The following FBXO21 variants were observed in gnomAD, a reference collection of about 807,000 sequenced individuals.
The protein encoded by FBXO21 is F-box protein 21, also known as F-box only protein 21.
Under a neutral mutation model 76.6 loss-of-function variants are expected in FBXO21, and 32 were observed. The ratio of observed to expected loss-of-function variants is 0.42; its 90% CI spans 0.32 to 0.56. The LOEUF is 0.56. FBXO21 is among the 20% of genes least tolerant of loss of function. The pLI is 0.16. For missense variants in FBXO21, 586 were observed against 797.3 expected (o/e 0.73, Z 3.19); for synonymous variants, 328 against 311.5 (o/e 1.05, Z -0.56).
intron 11 of FBXO21, among the ~76,000 whole-genome samples, chr12:117,151,565 T>A (rs1224663670): frequency 6.6e-6 from 1 of 152,206 alleles, no homozygotes; most frequent in African/African-American, 2.4e-5. Flanking sequence ...AAAATACATT[T>A]CATAAAAACA....
intron 9 of FBXO21, among the ~76,000 whole-genome samples, chr12:117,163,079 C>T (rs1387829210): frequency 1.3e-5 from 2 of 152,194 alleles, no homozygotes; most frequent in South Asian, 2.1e-4. Context: ...GGCAGTCACA[C>T]ATGCGCTGGC....
At chr12:117,166,035 C>T (rs1190620523) in intron 8 of FBXO21, among the ~76,000 whole-genome samples, 1 of 151,954 alleles carries the variant, frequency 6.6e-6, no homozygotes, top group Non-Finnish European at 1.5e-5. Context: ...ACTAAAAATA[C>T]AAAAATTAGC....
intron 11 of FBXO21, chr12:117,155,425 GAGCACTAGGGGGCCCCC>G: frequency 4.5e-6 from 1 of 220,640 alleles, no homozygotes; most frequent in Non-Finnish European, 9.3e-6. Context: ...GGAGGCCAGG[GAGCACTAGGGGGCCCCC>G]AGGTGTTCAT....
chr12:117,184,501 C>A (rs1168035764), intron 3 of FBXO21, among the ~76,000 whole-genome samples: 1 of 152,182 alleles, frequency 6.6e-6, no homozygotes, highest in African/African-American at 2.4e-5. Context: ...CGCCCATAAT[C>A]TCAGCACTCT....
At chr12:117,184,113 T>C (rs1000817471) in intron 3 of FBXO21, among the ~76,000 whole-genome samples, 2 of 151,900 alleles carry the variant, frequency 1.3e-5, no homozygotes, top group African/African-American at 4.8e-5. Flanking sequence ...TACTGAAAAA[T>C]TGTTTTCTGG....
intron 11 of FBXO21, among the ~76,000 whole-genome samples, chr12:117,149,591 A>C (rs1420852080): frequency 6.6e-6 from 1 of 152,188 alleles, no homozygotes; most frequent in East Asian, 1.9e-4. Flanking sequence ...GCCAGCTTGC[A>C]GTGGGTGGAG....
In FBXO21 at chr12:117,186,431, C is replaced by A. The variant is rs1436320111; in HGVS notation, c.470+46G>T. ...CACACAGAAATTACAGCAATTTACT[C>A]TGGACTTATTAAAGCAAACAAATCC... On this transcript the variant is annotated intron_variant, in intron 3 of 11. Transcript: ENST00000622495. 6.3e-6 allele frequency: 8 copies of A among 1,268,458 alleles called. No homozygotes were observed. In the African/African-American group the frequency reaches 1.0e-4, roughly 16 times the overall value. 78.6% of individuals were successfully genotyped at this position (1,268,458 alleles called of 1,614,324 possible).
In FBXO21 at chr12:117,176,335, T is replaced by C. The variant is rs115815202; in HGVS notation, c.592+1185A>G. Among the ~76,000 whole-genome samples, 6 of 152,144 alleles carry C rather than the reference T, an allele frequency of 3.9e-5. No homozygotes were observed. The East Asian group carries it at 1.2e-3, about 29-fold the overall frequency. ...GGGGGAGTAGGATTTTCAAGAGGGA[T>C]TATGAGAAGGAGGGATATCATGAAT... On this transcript the variant is annotated intron_variant, in intron 4 of 11. Coordinates refer to ENST00000622495, the MANE Select transcript of FBXO21 (RefSeq NM_015002.3).
chr12:117,186,631 T>A, intron 2 of FBXO21, 60 bp from the exon 3 acceptor site: 1 of 1,096,408 alleles, frequency 9.1e-7, no homozygotes, highest in Non-Finnish European at 1.4e-6. Context: ...ACTCTCACTC[T>A]CACAAATTTG....
chr12:117,153,309 G>T (rs539609270), intron 11 of FBXO21, among the ~76,000 whole-genome samples: 30 of 152,282 alleles, frequency 2.0e-4, no homozygotes, highest in East Asian at 3.9e-4. Flanking sequence ...CCCCCACGTG[G>T]TGTCACTAGT....
At chr12:117,183,902 T>C (rs1229455694) in intron 3 of FBXO21, among the ~76,000 whole-genome samples, 1 of 152,214 alleles carries the variant, frequency 6.6e-6, no homozygotes, top group Non-Finnish European at 1.5e-5. Flanking sequence ...GATATTCAGT[T>C]ATGTCCAGTA....
Position 117,174,443 on chromosome 12 carries a change from A to G in FBXO21, c.740-102T>C, listed in dbSNP as rs371537605. 7.4e-5 allele frequency: 101 copies of G among 1,363,218 alleles called. No individual in the cohort carries two copies. The Middle Eastern group carries it at 9.0e-4, about 12-fold the overall frequency. 84.4% of individuals were successfully genotyped at this position (1,363,218 alleles called of 1,614,324 possible). The stretch of plus-strand genomic sequence containing the variant: ...AAGACATTGGCAATGGCCTAACAAT[A>G]TTAATCAAGTGTTGCCAATCTAGGA... On this transcript the variant is annotated intron_variant, in intron 5 of 11. Coordinates refer to ENST00000622495, the MANE Select transcript of FBXO21 (RefSeq NM_015002.3).
intron 1 of FBXO21, among the ~76,000 whole-genome samples, chr12:117,189,742 A>G (rs1956325275): frequency 6.6e-6 from 1 of 152,018 alleles, no homozygotes; most frequent in Non-Finnish European, 1.5e-5. Flanking sequence ...CCACCACTCA[A>G]AGTCTATGAA....
intron 7 of FBXO21, among the ~76,000 whole-genome samples, chr12:117,170,270 C>T (rs1054882803): frequency 2.0e-5 from 3 of 151,850 alleles, no homozygotes; most frequent in East Asian, 1.9e-4. Context: ...TCCATGTTCA[C>T]AGAAAGACTG....
intron 1 of FBXO21, 114 bp from the exon 2 acceptor site, chr12:117,189,476 C>G: frequency 1.8e-6 from 2 of 1,115,968 alleles, no homozygotes; most frequent in Non-Finnish European, 2.6e-6. Flanking sequence ...TAAGAGGGAC[C>G]CCGGCGAGAG....
At chr12:117,187,736 G>A (rs986983040) in intron 2 of FBXO21, among the ~76,000 whole-genome samples, 2 of 152,200 alleles carry the variant, frequency 1.3e-5, no homozygotes, top group East Asian at 1.9e-4. Context: ...CACAAAACCA[G>A]CTGGACTAGA....
chr12:117,172,614 C>A lies in FBXO21; in HGVS notation c.877-7G>T, dbSNP rs1160925323. 1 of 1,607,232 alleles carries A rather than the reference C, an allele frequency of 6.2e-7. No homozygotes were observed. The highest frequency in any genetic ancestry group is 8.5e-7 in the Non-Finnish European group (1 of 1,175,712). On this transcript the variant is annotated splice_region_variant and splice_polypyrimidine_tract_variant and intron_variant, in intron 6 of 11. Transcript: ENST00000622495. ...CTGTTCTGCGAATCAAAACCTAAAG[C>A]AGAAAAAATGCTTTTATTTCACTGG...
chr12:117,169,665 C>G (rs1361010711), intron 7 of FBXO21, among the ~76,000 whole-genome samples: 2 of 152,054 alleles, frequency 1.3e-5, no homozygotes, highest in African/African-American at 4.8e-5. Context: ...AGCATGCCTG[C>G]TGGTGAATTT....
chr12:117,183,780 A>G (rs1431865395), intron 3 of FBXO21, among the ~76,000 whole-genome samples: 1 of 152,154 alleles, frequency 6.6e-6, no homozygotes, highest in Non-Finnish European at 1.5e-5. Context: ...TAGACTATAC[A>G]AAGTCTCCTA....
Sources: gnomAD v4.1 joint callset for allele counts (sites outside exome capture counted in the v4.1 genomes callset) on GRCh38, gnomAD v4.1.1 for gene constraint, MANE v1.5 for transcripts, NCBI Gene and HGNC (gene_info 2026-07-23, HGNC 2026-07-21) for gene names.